Variants in FRMD5 observed in about 807,000 individuals in gnomAD.
FRMD5 encodes FERM domain-containing protein 5.
FRMD5 carries 20 observed loss-of-function variants against 69.0 expected under a neutral mutation model. That is an observed-to-expected ratio of 0.29 (90% CI 0.20 to 0.42). The LOEUF (loss-of-function observed/expected upper bound fraction) is 0.42. Ranked by LOEUF, FRMD5 falls within the 10% of genes least tolerant of loss-of-function variation. The pLI, the probability that FRMD5 is intolerant of heterozygous loss-of-function variation, is 1.00. For synonymous variants in FRMD5, 271 were observed against 260.1 expected (o/e 1.04, Z -0.40); for missense variants, 595 against 708.6 (o/e 0.84, Z 1.82).
At chr15:44,009,520 A>G (rs1368485123) in intron 1 of FRMD5, among the ~76,000 whole-genome samples, 2 of 152,146 alleles carry the variant, frequency 1.3e-5, no homozygotes, top group East Asian at 1.9e-4. Context: ...CCTCTACAAA[A>G]TACAAAAAAT....
chr15:44,197,852 A>G (rs560457176), upstream of FRMD5, among the ~76,000 whole-genome samples: 3 of 152,334 alleles, frequency 2.0e-5, no homozygotes, highest in African/African-American at 4.8e-5. Context: ...GGTTATCCAA[A>G]TAAGCAGCTG....
At chr15:43,933,875 G>A (rs992940093) in intron 1 of FRMD5, among the ~76,000 whole-genome samples, 5 of 152,308 alleles carry the variant, frequency 3.3e-5, no homozygotes, top group Admixed American at 6.5e-5. Flanking sequence ...AATAAAGCCA[G>A]CAGTTATCAT....
chr15:44,007,093 A>C (rs1228933249), intron 1 of FRMD5, among the ~76,000 whole-genome samples: 2 of 152,260 alleles, frequency 1.3e-5, no homozygotes, highest in African/African-American at 4.8e-5. Context: ...CTGACCAGTC[A>C]GCAGCTGTCA....
At chr15:43,990,631 C>A (rs912811897) in intron 1 of FRMD5, among the ~76,000 whole-genome samples, 2 of 152,128 alleles carry the variant, frequency 1.3e-5, no homozygotes, top group African/African-American at 4.8e-5. Flanking sequence ...TATTTAGGAA[C>A]ACGAGGTGAG....
intron 1 of FRMD5, among the ~76,000 whole-genome samples, chr15:44,035,283 TAAGGAA>T (rs1891856753): frequency 6.6e-6 from 1 of 152,138 alleles, no homozygotes; most frequent in Admixed American, 6.6e-5. Context: ...ATAAAGACCT[TAAGGAA>T]TATACAATTG....
intron 11 of FRMD5, 52 bp from the exon 12 acceptor site, chr15:43,884,847 G>T: frequency 6.8e-7 from 1 of 1,471,054 alleles, no homozygotes; most frequent in South Asian, 1.1e-5. Context: ...TGTGTTGTAG[G>T]ACAGCTCCTC....
At chr15:44,151,351 C>G (rs537710136) in intron 1 of FRMD5, among the ~76,000 whole-genome samples, 22 of 148,634 alleles carry the variant, frequency 1.5e-4, no homozygotes, top group African/African-American at 5.0e-4. Flanking sequence ...GAGCCAAGAT[C>G]GCGCCACTGC....
intron 1 of FRMD5, among the ~76,000 whole-genome samples, chr15:44,153,077 T>C (rs182035406): frequency 6.6e-6 from 1 of 152,178 alleles, no homozygotes; most frequent in Non-Finnish European, 1.5e-5. Flanking sequence ...CTGGACAGGA[T>C]GTGGAGAAAC....
intron 1 of FRMD5, among the ~76,000 whole-genome samples, chr15:44,043,015 A>G (rs573206138): frequency 6.6e-6 from 1 of 152,234 alleles, no homozygotes; most frequent in Non-Finnish European, 1.5e-5. Context: ...ACATGATTGT[A>G]TATTTAGAAA....
At chr15:44,103,524 T>C (rs917964606) in intron 1 of FRMD5, among the ~76,000 whole-genome samples, 1 of 152,230 alleles carries the variant, frequency 6.6e-6, no homozygotes, top group Non-Finnish European at 1.5e-5. Context: ...AACAGCTTTA[T>C]AGAGGGATAA....
chr15:44,069,948 C>T (rs1893466474), intron 1 of FRMD5, among the ~76,000 whole-genome samples: 2 of 152,222 alleles, frequency 1.3e-5, no homozygotes, highest in South Asian at 4.1e-4. Flanking sequence ...ATGCAGTTTT[C>T]ATATTCATAA....
upstream of FRMD5, among the ~76,000 whole-genome samples, chr15:44,196,748 CTCTT>C (rs200670189): frequency 0.26 from 31,066 of 119,902 alleles, 3,687 homozygotes; most frequent in East Asian, 0.34. Context: ...CTCTCTCTCT[CTCTT>C]TCTCTCTCTC....
intron 13 of FRMD5, 140 bp downstream of exon 13, chr15:43,883,563 G>A: frequency 1.6e-6 from 1 of 628,604 alleles, no homozygotes; most frequent in Middle Eastern, 4.6e-4. Context: ...CCATCCACTG[G>A]ATAAAACCTC....
chr15:43,969,965 C>A (rs2090350689), intron 1 of FRMD5, among the ~76,000 whole-genome samples: 1 of 152,228 alleles, frequency 6.6e-6, no homozygotes. Context: ...AACCTGCCAA[C>A]TGGCCACACA....
intron 1 of FRMD5, among the ~76,000 whole-genome samples, chr15:44,036,014 ATG>A (rs1391840830): frequency 6.6e-6 from 1 of 152,174 alleles, no homozygotes; most frequent in Non-Finnish European, 1.5e-5. Flanking sequence ...TAAGTGAGAA[ATG>A]TATGCTGACC....
intron 1 of FRMD5, among the ~76,000 whole-genome samples, chr15:43,995,762 A>T (rs769972257): frequency 6.6e-6 from 1 of 151,796 alleles, no homozygotes; most frequent in Non-Finnish European, 1.5e-5. Context: ...GTCCATGGGG[A>T]TATGCCTGGA....
intron 1 of FRMD5, among the ~76,000 whole-genome samples, chr15:44,146,781 G>A (rs2077363437): frequency 6.6e-6 from 1 of 152,064 alleles, no homozygotes; most frequent in African/African-American, 2.4e-5. Context: ...TTTGTTGGGT[G>A]CATAAACGTC....
At chr15:44,018,602 G>A (rs1891073620) in intron 1 of FRMD5, among the ~76,000 whole-genome samples, 1 of 152,226 alleles carries the variant, frequency 6.6e-6, no homozygotes, top group South Asian at 2.1e-4. Flanking sequence ...GCACAGGTCT[G>A]TGGCTGCACC....
At chr15:43,953,612 C>A (rs1209310750) in intron 1 of FRMD5, among the ~76,000 whole-genome samples, 1 of 152,216 alleles carries the variant, frequency 6.6e-6, no homozygotes, top group Non-Finnish European at 1.5e-5. Flanking sequence ...GTAGATCCTT[C>A]TTTGATCTTT....
Sources: gnomAD v4.1 joint callset for allele counts (sites outside exome capture counted in the v4.1 genomes callset) on GRCh38, gnomAD v4.1.1 for gene constraint, MANE v1.5 for transcripts, NCBI Gene and HGNC (gene_info 2026-07-23, HGNC 2026-07-21) for gene names.